The following HSPG2 variants were observed in gnomAD, a reference collection of about 807,000 sequenced individuals.
HSPG2 encodes the protein heparan sulfate proteoglycan 2.
HSPG2 carries 278 observed loss-of-function variants against 526.6 expected under a neutral mutation model. That is an observed-to-expected ratio of 0.53 (90% CI 0.48 to 0.58). HSPG2 has a LOEUF of 0.58. Among genes scored for constraint, HSPG2 ranks in the 20% least tolerant of loss-of-function variants. The pLI, the probability that HSPG2 is intolerant of heterozygous loss-of-function variation, is 0.00. For synonymous variants in HSPG2, 2,465 were observed against 2,555.4 expected, an observed-to-expected ratio of 0.96 and a Z score of 1.07; for missense variants, 5,354 against 6,099.5, an observed-to-expected ratio of 0.88 and a Z score of 4.07.
intron 1 of HSPG2, among the ~76,000 whole-genome samples, chr1:21,918,758 T>C (rs1643948913): frequency 6.6e-6 from 1 of 152,224 alleles, no homozygotes; most frequent in Admixed American, 6.5e-5. Flanking sequence ...GGAGCTTTAT[T>C]TCTGAATAAT....
intron 86 of HSPG2, 171 bp from the exon 87 acceptor site, chr1:21,829,775 G>A (rs1572148967): frequency 8.5e-6 from 6 of 701,892 alleles, no homozygotes; most frequent in Middle Eastern, 7.3e-4. Context: ...CCTTGCACAC[G>A]GGGCTGGGAG....
chr1:21,861,753 T>A lies in HSPG2; in HGVS notation c.4955+4A>T. The A allele has an allele frequency of 6.2e-7, 1 of 1,613,794 alleles. No homozygotes were observed. The highest frequency in any genetic ancestry group is 8.5e-7 in the Non-Finnish European group (1 of 1,179,760). The stretch of plus-strand genomic sequence containing the variant: ...CCTCCCCCTACTTCTGTTTACAAAC[T>A]TACTGCTCACAGTACTGGCCAGTGT... On this transcript the variant is annotated splice_donor_region_variant and intron_variant, in intron 39 of 96. Transcript: ENST00000374695.
At chr1:21,857,264 C>T in intron 43 of HSPG2, 21 bp downstream of exon 43, 2 of 1,613,970 alleles carry the variant, frequency 1.2e-6, no homozygotes, top group South Asian at 1.1e-5. Context: ...TTCCTCCATC[C>T]CCACTCCCTG....
intron 62 of HSPG2, among the ~76,000 whole-genome samples, chr1:21,846,972 C>T (rs946127053): frequency 6.6e-6 from 1 of 152,026 alleles, no homozygotes; most frequent in Non-Finnish European, 1.5e-5. Flanking sequence ...TGCACTCCAG[C>T]CTGGGTGACA....
At chr1:21,831,907 G>T in intron 81 of HSPG2, 111 bp from the exon 82 acceptor site, 1 of 1,167,654 alleles carries the variant, frequency 8.6e-7, no homozygotes, top group Non-Finnish European at 1.2e-6. Flanking sequence ...ACCACTTCCT[G>T]CAGTCCCAGC....
chr1:21,832,813 A>T (rs1486207451), intron 80 of HSPG2: 2 of 598,594 alleles, frequency 3.3e-6, no homozygotes, highest in African/African-American at 3.7e-5. Context: ...CTAGAAAGAA[A>T]CTGAATTTGC....
chr1:21,838,099 G>A (rs1264853422), intron 74 of HSPG2, among the ~76,000 whole-genome samples: 1 of 130,796 alleles, frequency 7.6e-6, no homozygotes, highest in Non-Finnish European at 1.5e-5. Context: ...TCATGCCACT[G>A]CACTCCAGCC....
At chr1:21,823,830 C>T (rs1320811200) in intron 95 of HSPG2, 111 bp from the exon 96 acceptor site, 4 of 870,102 alleles carry the variant, frequency 4.6e-6, no homozygotes, top group Non-Finnish European at 7.5e-6. Context: ...AAGTCTGTCC[C>T]TGTTTCCCAA....
intron 1 of HSPG2, among the ~76,000 whole-genome samples, chr1:21,924,044 A>AG (rs34880772): frequency 0.012 from 1,903 of 152,326 alleles, 31 homozygotes; most frequent in African/African-American, 0.043. Flanking sequence ...ACATGGACAG[A>AG]GCACGGCAGG....
chr1:21,917,530 C>T (rs6698486), intron 1 of HSPG2, among the ~76,000 whole-genome samples: 43,568 of 151,868 alleles, frequency 0.29, 6,970 homozygotes, highest in East Asian at 0.66. Context: ...CCCAGTTGGT[C>T]GAGAAGCCAT....
At position 21,847,522 on chromosome 1, in the gene HSPG2, G is replaced by T; in HGVS notation, c.8026-30C>A. The T allele has an allele frequency of 6.2e-7, 1 of 1,613,244 alleles. No individual in the cohort carries two copies. Among genetic ancestry groups the T allele is most frequent in the Admixed American group, 1.7e-5 (1 of 60,016 alleles). Reference sequence around the variant, plus strand: ...ACGTGCGGATGGGGAAGGAGAGGGAGAGGGAGTGGAGGGACGCTGGGGTCA... The same window carrying T: ...ACGTGCGGATGGGGAAGGAGAGGGATAGGGAGTGGAGGGACGCTGGGGTCA... On this transcript the variant is annotated intron_variant, in intron 61 of 96. Transcript: ENST00000374695. The surrounding 1 kb of genome is among the most constrained non-coding windows in gnomAD (Gnocchi z 4.1).
rs765463910 is a variant in HSPG2, at chr1:21,841,583, T to C, written c.9284A>G (p.Asn3095Ser). The change falls in exon 70 of 97, where the codon AAT becomes AGT. Residue 3095 changes from asparagine (N) to serine (S), a missense_variant. Physicochemically the swap from Asn to Ser is conservative, Grantham distance 46. Coordinates refer to ENST00000374695, the MANE Select transcript of HSPG2 (RefSeq NM_005529.7). ...CACACTCTGGGCCACACCGTAGGCATTGGAGGCCACGCAGCGGTAGGTACC... is the reference window on the plus strand; with the variant it reads ...CACACTCTGGGCCACACCGTAGGCACTGGAGGCCACGCAGCGGTAGGTACC... ...NHGTYRCVAS[N>S]AYGVAQSVVN... 219 of 1,614,064 alleles carry C rather than the reference T, an allele frequency of 1.4e-4. No homozygotes were observed. The highest frequency in any genetic ancestry group is 1.6e-4 in the Non-Finnish European group (188 of 1,180,020).
chr1:21,855,697 A>G, intron 45 of HSPG2, 22 bp from the exon 46 acceptor site: 1 of 1,585,646 alleles, frequency 6.3e-7, no homozygotes, highest in Non-Finnish European at 8.6e-7. Flanking sequence ...ACGTGGGGTC[A>G]GCACCCACCA....
Position 21,895,974 on chromosome 1 carries a change from C to CA in HSPG2, c.200-9dup. 3 of 1,613,822 alleles carry CA rather than the reference C, an allele frequency of 1.9e-6. No individual in the cohort carries two copies. Among genetic ancestry groups the CA allele is most frequent in the Non-Finnish European group, 2.5e-6 (3 of 1,179,842 alleles). On this transcript the variant is annotated splice_polypyrimidine_tract_variant and intron_variant, in intron 2 of 96. Transcript: ENST00000374695. This position sits in a 1 kb window ranked among gnomAD's most constrained non-coding sequence, Gnocchi z 4.1. ...CCCCACTGCCCAGGTCGTCTATAAGCAAAAAAGAGATGTAATCAGCAACAA... is the reference window on the plus strand; with the variant it reads ...CCCCACTGCCCAGGTCGTCTATAAGCAAAAAAAGAGATGTAATCAGCAACAA...
At chr1:21,854,014 C>A (rs1247694162) in intron 50 of HSPG2, among the ~76,000 whole-genome samples, 179 bp downstream of exon 50, 1 of 152,160 alleles carries the variant, frequency 6.6e-6, no homozygotes, top group Non-Finnish European at 1.5e-5. Context: ...CCCAGGTAAG[C>A]TGGACCAGCC....
intron 10 of HSPG2, 56 bp downstream of exon 10, chr1:21,885,264 C>T: frequency 6.2e-7 from 1 of 1,612,680 alleles, no homozygotes; most frequent in East Asian, 2.2e-5. Context: ...AGGCTGTGGA[C>T]AGAACCCCTA....
At chr1:21,862,829 C>CTTTGGGAGGCCGAG (rs6143159) in intron 37 of HSPG2, among the ~76,000 whole-genome samples, 142,048 of 151,272 alleles carry the variant, frequency 0.94, 67,229 homozygotes, top group Non-Finnish European at 1. Flanking sequence ...AATCTCAGGA[C>CTTTGGGAGGCCGAG]GTGGGTGGAT....
chr1:21,880,276 A>C, intron 16 of HSPG2, 22 bp from the exon 17 acceptor site: 1 of 1,614,050 alleles, frequency 6.2e-7, no homozygotes, highest in Non-Finnish European at 8.5e-7. Flanking sequence ...GGACCAAAAG[A>C]GTCGCTGCAA....
chr1:21,824,526 C>G lies in HSPG2; in HGVS notation c.12744+11G>C. ...GGAGCCCCAAGAGCCCAGCCGGATA[C>G]CCACACTCACCACACCCTGCCAGAG... On this transcript the variant is annotated intron_variant, in intron 93 of 96. Transcript: ENST00000374695. The surrounding 1 kb of genome is among the most constrained non-coding windows in gnomAD (Gnocchi z 5.9). 1 of 1,612,986 alleles carries G rather than the reference C, an allele frequency of 6.2e-7. No homozygotes were observed. Among genetic ancestry groups the G allele is most frequent in the Non-Finnish European group, 8.5e-7 (1 of 1,179,892 alleles).
Sources: allele counts gnomAD v4.1 joint callset (sites outside exome capture counted in the v4.1 genomes callset), GRCh38; gene constraint gnomAD v4.1.1; non-coding constraint Gnocchi (gnomAD v3.1); transcripts MANE v1.5; gene names NCBI Gene and HGNC (gene_info 2026-07-23, HGNC 2026-07-21).